MYO5B: variants seen among roughly 807,000 people sequenced by gnomAD.
The protein encoded by MYO5B is myosin VB, also known as unconventional myosin-Vb.
A neutral mutation model predicts 229.3 loss-of-function variants in MYO5B; 143 were observed. The observed-to-expected ratio is 0.62, with a 90% CI of 0.54 to 0.72. MYO5B has a LOEUF of 0.72. Among genes scored for constraint, MYO5B ranks in the 30% least tolerant of loss-of-function variants. MYO5B has a pLI of 0.00. For missense variants in MYO5B, 2,321 were observed against 2,331.0 expected, an observed-to-expected ratio of 1.00 and a Z score of 0.09; for synonymous variants, 918 against 885.2, an observed-to-expected ratio of 1.04 and a Z score of -0.66.
intron 6 of MYO5B, among the ~76,000 whole-genome samples, chr18:49,991,522 T>G (rs1207674928): frequency 6.6e-6 from 1 of 152,074 alleles, no homozygotes; most frequent in Non-Finnish European, 1.5e-5. Flanking sequence ...GGAGAAGGAT[T>G]ACAAAGAGGC....
At chr18:49,984,889 C>T (rs1395998961) in intron 7 of MYO5B, 64 bp from the exon 8 acceptor site, 1 of 1,212,130 alleles carries the variant, frequency 8.2e-7, no homozygotes, top group African/African-American at 1.5e-5. Flanking sequence ...AGATCGTGAC[C>T]CATGAAAATT....
chr18:50,018,096 A>G (rs1333114877), intron 4 of MYO5B, among the ~76,000 whole-genome samples: 1 of 152,142 alleles, frequency 6.6e-6, no homozygotes, highest in Non-Finnish European at 1.5e-5. Context: ...ACATATTTTT[A>G]AGAGACAGGG....
intron 12 of MYO5B, among the ~76,000 whole-genome samples, chr18:49,961,685 A>C (rs1292833516): frequency 2.2e-4 from 33 of 152,358 alleles, no homozygotes; most frequent in South Asian, 8.3e-4. Context: ...ATCATCGAGC[A>C]GGAAACCAGA....
chr18:50,158,028 T>C (rs1705514), intron 1 of MYO5B, among the ~76,000 whole-genome samples: 147,208 of 152,298 alleles, frequency 0.97, 71,338 homozygotes, highest in East Asian at 1. Flanking sequence ...TGATTTTTTA[T>C]GGGTGGAAGC....
At chr18:49,905,269 GGTAA>G (rs1470093673) in intron 19 of MYO5B, among the ~76,000 whole-genome samples, 1 of 152,132 alleles carries the variant, frequency 6.6e-6, no homozygotes, top group Non-Finnish European at 1.5e-5. Flanking sequence ...GTAGGCACTG[GGTAA>G]GTGTTTGCTG....
chr18:50,183,907 T>A (rs1355411), intron 1 of MYO5B, among the ~76,000 whole-genome samples: 1 of 151,764 alleles, frequency 6.6e-6, no homozygotes, highest in African/African-American at 2.4e-5. Context: ...TGACAGGATG[T>A]CCCTCAGATT....
intron 23 of MYO5B, 109 bp downstream of exon 23, chr18:49,880,262 C>T (rs1398485361): frequency 6.5e-6 from 6 of 920,882 alleles, no homozygotes; most frequent in Non-Finnish European, 1.1e-5. Context: ...AAATCCTTTC[C>T]CCACTGTAGC....
rs370783363 is a variant in MYO5B, at chr18:49,966,924, A to G, written c.1323-3894T>C. ...GAGATTGGGTAACTTTTCCTTTACA[A>G]TGGAATTATATTTATAGTAATTCCT... On this transcript the variant is annotated intron_variant, in intron 10 of 39. Transcript: ENST00000285039. Among the ~76,000 whole-genome samples the G allele has an allele frequency of 3.9e-5, 6 of 152,356 alleles. 1 individual carries two copies. The highest frequency in any genetic ancestry group is 1.9e-4 in the East Asian group (1 of 5,188).
chr18:49,897,790 A>G (rs545123590), intron 21 of MYO5B, among the ~76,000 whole-genome samples: 2 of 152,346 alleles, frequency 1.3e-5, no homozygotes, highest in Non-Finnish European at 2.9e-5. Context: ...TACGGCTTAT[A>G]AAGTCTACAG....
At chr18:50,037,785 G>A in intron 3 of MYO5B, among the ~76,000 whole-genome samples, 1 of 152,122 alleles carries the variant, frequency 6.6e-6, no homozygotes, top group South Asian at 2.1e-4. Context: ...AGTCCCAGCT[G>A]CTCGAGGAGT....
chr18:49,984,283 C>A (rs1026262151), intron 8 of MYO5B, among the ~76,000 whole-genome samples: 4 of 152,226 alleles, frequency 2.6e-5, no homozygotes, highest in Non-Finnish European at 5.9e-5. Context: ...GATGCAGCTG[C>A]CAGACCTTCA....
At chr18:50,109,497 C>A (rs1161789392) in intron 1 of MYO5B, among the ~76,000 whole-genome samples, 11 of 151,596 alleles carry the variant, frequency 7.3e-5, no homozygotes, top group Admixed American at 7.2e-4. Context: ...GTGATCTCAG[C>A]TCACTGCAAG....
intron 27 of MYO5B, among the ~76,000 whole-genome samples, chr18:49,865,030 A>G (rs2024380287): frequency 6.6e-6 from 1 of 152,220 alleles, no homozygotes; most frequent in Admixed American, 6.5e-5. Context: ...AGTACATTTA[A>G]CTTTGTGTTT....
At chr18:50,135,481 T>C (rs2032321243) in intron 1 of MYO5B, among the ~76,000 whole-genome samples, 1 of 152,252 alleles carries the variant, frequency 6.6e-6, no homozygotes, top group Non-Finnish European at 1.5e-5. Flanking sequence ...CATCTGTATG[T>C]ACACGCACAC....
intron 1 of MYO5B, among the ~76,000 whole-genome samples, chr18:50,071,466 T>C (rs1336993869): frequency 6.6e-6 from 1 of 152,158 alleles, no homozygotes; most frequent in Admixed American, 6.5e-5. Context: ...GCACACACAC[T>C]CTAGCACTAT....
At chr18:49,947,399 C>G (rs1387523578) in intron 14 of MYO5B, among the ~76,000 whole-genome samples, 1 of 151,928 alleles carries the variant, frequency 6.6e-6, no homozygotes, top group Non-Finnish European at 1.5e-5. Flanking sequence ...GCCACCGCAC[C>G]CAGCCGTAGT....
chr18:50,097,217 C>A, intron 1 of MYO5B: 1 of 456,770 alleles, frequency 2.2e-6, no homozygotes, highest in South Asian at 1.5e-5. Flanking sequence ...ATCACTCCCA[C>A]CTCCGCATCC....
At chr18:50,008,101 AAGC>A (rs2026122312) in intron 4 of MYO5B, among the ~76,000 whole-genome samples, 3 of 152,322 alleles carry the variant, frequency 2.0e-5, no homozygotes, top group South Asian at 4.1e-4. Context: ...CTGTATAATA[AAGC>A]AGCCTTTAAC....
At chr18:49,959,394 G>A (rs923203271) in intron 12 of MYO5B, among the ~76,000 whole-genome samples, 2 of 152,268 alleles carry the variant, frequency 1.3e-5, no homozygotes, top group African/African-American at 4.8e-5. Context: ...ACCTCTACAC[G>A]AAAGCGCTAG....
Sources: gnomAD v4.1 joint callset for allele counts (sites outside exome capture counted in the v4.1 genomes callset) on GRCh38, gnomAD v4.1.1 for gene constraint, MANE v1.5 for transcripts, NCBI Gene and HGNC (gene_info 2026-07-23, HGNC 2026-07-21) for gene names.